Variants in DLGAP2 observed in about 807,000 individuals in gnomAD.
DLGAP2 encodes disks large-associated protein 2.
DLGAP2 carries 26 observed loss-of-function variants against 100.3 expected under a neutral mutation model. The observed-to-expected ratio is 0.26, with a 90% CI of 0.19 to 0.36. The LOEUF (loss-of-function observed/expected upper bound fraction) is 0.36, where lower values mean the gene tolerates loss of function less well. DLGAP2 is among the 10% of genes least tolerant of loss of function. The probability of loss-of-function intolerance (pLI) is 1.00; values close to 1 mark genes in which losing one functional copy is unlikely to be tolerated. For missense variants in DLGAP2, 1,858 were observed against 1,453.2 expected (o/e 1.28, Z -4.53); for synonymous variants, 886 against 630.1 (o/e 1.41, Z -6.08).
At chr8:1,201,933 G>C (rs998144596) in intron 2 of DLGAP2, among the ~76,000 whole-genome samples, 49 of 150,948 alleles carry the variant, frequency 3.2e-4, no homozygotes, top group African/African-American at 1.2e-3. Flanking sequence ...CTAGCTCTGT[G>C]TGTGATGTGT....
chr8:1,115,772 C>A (rs1463220128), intron 2 of DLGAP2, among the ~76,000 whole-genome samples: 2 of 152,192 alleles, frequency 1.3e-5, no homozygotes, highest in Non-Finnish European at 2.9e-5. Context: ...CGGTCAGCCA[C>A]ACTCATTTTA....
At chr8:1,249,585 C>T (rs928902824) in intron 2 of DLGAP2, among the ~76,000 whole-genome samples, 1 of 152,204 alleles carries the variant, frequency 6.6e-6, no homozygotes, top group African/African-American at 2.4e-5. Flanking sequence ...TGGCTGACCA[C>T]AGGCAAATCA....
intron 2 of DLGAP2, among the ~76,000 whole-genome samples, chr8:989,328 C>A (rs760308275): frequency 6.6e-6 from 1 of 152,186 alleles, no homozygotes; most frequent in Non-Finnish European, 1.5e-5. Context: ...TCTCCCAGGG[C>A]CTGAGGGAGG....
intron 2 of DLGAP2, chr8:926,927 C>T (rs866141110): frequency 3.4e-5 from 25 of 728,264 alleles, no homozygotes; most frequent in Admixed American, 1.3e-4. Flanking sequence ...TTCCCTGAGC[C>T]GGATTAAATG....
intron 1 of DLGAP2, chr8:738,568 C>T (rs1023647322): frequency 6.6e-6 from 1 of 152,226 alleles, no homozygotes; most frequent in Non-Finnish European, 1.5e-5. Context: ...GTCTCCGGCT[C>T]CTTCGCTAAC....
intron 3 of DLGAP2, among the ~76,000 whole-genome samples, chr8:1,279,172 T>A (rs972041829): frequency 1.3e-5 from 2 of 152,234 alleles, no homozygotes; most frequent in Non-Finnish European, 2.9e-5. Flanking sequence ...TTATCTATGA[T>A]AATTTTAAGT....
chr8:1,537,031 G>A (rs1418907982), intron 4 of DLGAP2, among the ~76,000 whole-genome samples: 4 of 151,962 alleles, frequency 2.6e-5, no homozygotes, highest in African/African-American at 9.7e-5. Flanking sequence ...CCTCGGAGAA[G>A]TAGTCAGGAA....
intron 1 of DLGAP2, among the ~76,000 whole-genome samples, chr8:779,046 G>T (rs918247439): frequency 2.0e-5 from 3 of 152,242 alleles, no homozygotes; most frequent in Non-Finnish European, 4.4e-5. Context: ...CTTGTGGTGT[G>T]CCTTTTTTCA....
chr8:1,277,824 C>T (rs1033562717), intron 3 of DLGAP2, among the ~76,000 whole-genome samples: 1 of 152,160 alleles, frequency 6.6e-6, no homozygotes, highest in Non-Finnish European at 1.5e-5. Context: ...GGGTCCAACT[C>T]CCCACTATTT....
intron 1 of DLGAP2, among the ~76,000 whole-genome samples, chr8:789,367 G>C (rs1041313628): frequency 1.3e-5 from 2 of 152,150 alleles, no homozygotes; most frequent in Non-Finnish European, 2.9e-5. Flanking sequence ...GAGAGTGAAG[G>C]GGGAGGTGCT....
At chr8:949,352 T>A (rs1180913277) in intron 2 of DLGAP2, among the ~76,000 whole-genome samples, 1 of 152,172 alleles carries the variant, frequency 6.6e-6, no homozygotes, top group East Asian at 1.9e-4. Flanking sequence ...GACACCACGC[T>A]GGATAGTCCC....
chr8:1,463,523 G>A (rs1188604704), intron 3 of DLGAP2, among the ~76,000 whole-genome samples: 1 of 152,238 alleles, frequency 6.6e-6, no homozygotes, highest in Non-Finnish European at 1.5e-5. Context: ...TCAGGGTCCT[G>A]TTCCCAGGAC....
intron 2 of DLGAP2, among the ~76,000 whole-genome samples, chr8:1,225,142 C>T (rs1037266974): frequency 6.6e-6 from 1 of 152,216 alleles, no homozygotes; most frequent in African/African-American, 2.4e-5. Context: ...TCCATGCTCA[C>T]AGCAGTGCTT....
At chr8:1,330,399 T>C (rs1212295144) in intron 3 of DLGAP2, among the ~76,000 whole-genome samples, 1 of 118,978 alleles carries the variant, frequency 8.4e-6, no homozygotes, top group Non-Finnish European at 1.7e-5. Context: ...TCACAGGGAC[T>C]AGTTCTGGGT....
chr8:1,672,263 G>T (rs1197987368), intron 10 of DLGAP2, among the ~76,000 whole-genome samples: 1 of 139,504 alleles, frequency 7.2e-6, no homozygotes, highest in African/African-American at 2.8e-5. Flanking sequence ...GTCTCACTCT[G>T]TTGCCCAGGC....
chr8:1,579,029 C>T (rs1201971577), intron 6 of DLGAP2, among the ~76,000 whole-genome samples: 2 of 152,214 alleles, frequency 1.3e-5, no homozygotes, highest in African/African-American at 4.8e-5. Context: ...AGATACTGGA[C>T]TTGCTTATAT....
At chr8:1,454,830 C>G (rs1798260256) in intron 3 of DLGAP2, among the ~76,000 whole-genome samples, 1 of 152,114 alleles carries the variant, frequency 6.6e-6, no homozygotes, top group South Asian at 2.1e-4. Context: ...CCTTCGATAC[C>G]CCATCAGGAT....
chr8:1,273,957 G>C (rs969619024), intron 3 of DLGAP2, among the ~76,000 whole-genome samples: 10 of 152,124 alleles, frequency 6.6e-5, no homozygotes, highest in African/African-American at 2.4e-4. Context: ...TGCTCTTTCT[G>C]ATTTTGAAAT....
intron 12 of DLGAP2, among the ~76,000 whole-genome samples, chr8:1,688,775 T>A (rs141140772): frequency 1.3e-3 from 194 of 152,314 alleles, no homozygotes; most frequent in African/African-American, 4.4e-3. Context: ...ATGGTACAGA[T>A]TGCCAGACCT....
Sources: gnomAD v4.1 joint callset for allele counts (sites outside exome capture counted in the v4.1 genomes callset) on GRCh38, gnomAD v4.1.1 for gene constraint, MANE v1.5 for transcripts, NCBI Gene and HGNC (gene_info 2026-07-23, HGNC 2026-07-21) for gene names.